The following NF1 variants were observed in gnomAD, a reference collection of about 807,000 sequenced individuals.
NF1 encodes neurofibromin 1.
A neutral mutation model predicts 325.7 loss-of-function variants in NF1; 122 were observed. That is an observed-to-expected ratio of 0.37 (90% CI 0.32 to 0.44). The LOEUF (loss-of-function observed/expected upper bound fraction) is 0.44, where lower values mean the gene tolerates loss of function less well. Among genes scored for constraint, NF1 ranks in the 20% least tolerant of loss-of-function variants. NF1 has a pLI of 1.00. For missense variants in NF1, 2,140 were observed against 3,415.4 expected (o/e 0.63, Z 9.31); for synonymous variants, 1,091 against 1,186.0 (o/e 0.92, Z 1.65).
chr17:31,250,093 G>A (rs1034487523), intron 30 of NF1: 3 of 470,150 alleles, frequency 6.4e-6, no homozygotes, highest in Middle Eastern at 3.9e-4. Context: ...TTTTAAAGAT[G>A]TATCTGTTCT....
At chr17:31,291,762 C>T (rs575593019) in intron 36 of NF1, among the ~76,000 whole-genome samples, 2 of 152,356 alleles carry the variant, frequency 1.3e-5, no homozygotes, top group Admixed American at 1.3e-4. Context: ...GCCATCTTCT[C>T]ATTCTGCTGT....
At chr17:31,259,532 T>C (rs1270527662) in intron 33 of NF1, among the ~76,000 whole-genome samples, 1 of 152,176 alleles carries the variant, frequency 6.6e-6, no homozygotes, top group Non-Finnish European at 1.5e-5. Flanking sequence ...AATTTGGAAG[T>C]GTATCTAAAC....
Position 31,337,852 on chromosome 17 carries a change from C to T in NF1, c.6676C>T (p.Leu2226=), listed in dbSNP as rs876658129. 1.2e-6 allele frequency: 2 copies of T among 1,613,918 alleles called. No individual in the cohort carries two copies. The highest frequency in any genetic ancestry group is 1.7e-6 in the Non-Finnish European group (2 of 1,179,862). ...GAGAGATATTCCAACGTGCAAGTGG[C>T]TGGACCAGTGGACAGAACTAGCTCA... The part of the protein sequence containing the change: ...CMRDIPTCKW[L]DQWTELAQRF... The change falls in exon 44 of 58, where the codon CTG becomes TTG. Residue 2226 remains leucine, a synonymous_variant. Coordinates refer to ENST00000358273, the MANE Select transcript of NF1 (RefSeq NM_001042492.3).
intron 36 of NF1, among the ~76,000 whole-genome samples, chr17:31,309,566 T>C (rs1224826346): frequency 6.6e-6 from 1 of 152,200 alleles, no homozygotes; most frequent in Non-Finnish European, 1.5e-5. Context: ...ATTTTAAAAA[T>C]CTGTTTTAAT....
At position 31,374,339 on chromosome 17, in the gene NF1, CTTTTCT is replaced by C; in HGVS notation, c.*187_*192del. On this transcript the variant is annotated 3_prime_UTR_variant, in exon 58 of 58. Coordinates refer to ENST00000358273, the MANE Select transcript of NF1 (RefSeq NM_001042492.3). ...AAGCCTTGCCTAAATTTAATGCTGCCTTTTCTTTAACTTTTTTTCTTCTACTTTTGG... is the reference window on the plus strand; with the variant it reads ...AAGCCTTGCCTAAATTTAATGCTGCCTTAACTTTTTTTCTTCTACTTTTGG... 2.7e-6 allele frequency: 2 copies of C among 742,538 alleles called. No homozygotes were observed. Among genetic ancestry groups the C allele is most frequent in the Non-Finnish European group, 4.5e-6 (2 of 446,566 alleles). 46.0% of individuals were successfully genotyped at this position (742,538 alleles called of 1,614,324 possible).
At chr17:31,192,445 G>A (rs1179083576) in intron 8 of NF1, among the ~76,000 whole-genome samples, 4 of 152,310 alleles carry the variant, frequency 2.6e-5, no homozygotes, top group African/African-American at 4.8e-5. Context: ...TCTGGTTGAC[G>A]GTTGAGTTTG....
chr17:31,230,405 T>C, intron 23 of NF1, 23 bp downstream of exon 23: 1 of 1,612,762 alleles, frequency 6.2e-7, no homozygotes, highest in Non-Finnish European at 8.5e-7. Context: ...AAGAGCAATG[T>C]AGGGTCTTGT....
intron 1 of NF1, among the ~76,000 whole-genome samples, chr17:31,103,040 T>C (rs1482770663): frequency 6.6e-6 from 1 of 151,340 alleles, no homozygotes; most frequent in Non-Finnish European, 1.5e-5. Context: ...GAGACAAGGG[T>C]TCGCCATGTT....
Position 31,249,062 on chromosome 17 carries a change from C to T in NF1, c.4053C>T (p.Ile1351=), listed in dbSNP as rs1274363605. The change falls in exon 30 of 58, where the codon ATC becomes ATT. Residue 1351 remains isoleucine (I), a synonymous_variant. Transcript: ENST00000358273. ...CTGAAAAGTTCTTCCATGCCATCAT[C>T]AGTTCCTCCTCAGAATTCCCCCCTC... ...QMTEKFFHAI[I]SSSSEFPPQL... The T allele has an allele frequency of 6.2e-7, 1 of 1,614,004 alleles. No individual in the cohort carries two copies. The highest frequency in any genetic ancestry group is 8.5e-7 in the Non-Finnish European group (1 of 1,180,002).
chr17:31,230,019 G>C (rs769791471), intron 22 of NF1, 45 bp downstream of exon 22: 1 of 1,605,818 alleles, frequency 6.2e-7, no homozygotes, highest in Non-Finnish European at 8.5e-7. Context: ...TAAGAGATAA[G>C]AAAAACCTCT....
intron 1 of NF1, among the ~76,000 whole-genome samples, chr17:31,141,288 C>T (rs1211106782): frequency 6.6e-6 from 1 of 151,030 alleles, no homozygotes; most frequent in African/African-American, 2.4e-5. Context: ...CAGTGCCTGA[C>T]ACATAGAAGG....
At chr17:31,102,748 AAG>A (rs1491374295) in intron 1 of NF1, among the ~76,000 whole-genome samples, 1 of 151,866 alleles carries the variant, frequency 6.6e-6, no homozygotes, top group Non-Finnish European at 1.5e-5. Flanking sequence ...AAAAAAAAAA[AAG>A]AGAGCGTGAC....
At chr17:31,359,190 A>G in intron 56 of NF1, 175 bp downstream of exon 56, 4 of 602,726 alleles carry the variant, frequency 6.6e-6, no homozygotes, top group Non-Finnish European at 1.2e-5. Flanking sequence ...AGGAGGCAGC[A>G]TGGTGTTGGG....
At chr17:31,282,356 C>T (rs561627180) in intron 36 of NF1, among the ~76,000 whole-genome samples, 21 of 146,194 alleles carry the variant, frequency 1.4e-4, no homozygotes, top group Non-Finnish European at 3.0e-4. Context: ...CACTCAAGCC[C>T]GGGTGACAGA....
intron 51 of NF1, 129 bp downstream of exon 51, chr17:31,352,543 C>A: frequency 1.2e-6 from 1 of 804,122 alleles, no homozygotes; most frequent in Admixed American, 3.0e-5. Context: ...GTTTTTGATG[C>A]CATTTAAAAG....
At chr17:31,185,607 C>T (rs915019968) in intron 8 of NF1, among the ~76,000 whole-genome samples, 1 of 152,068 alleles carries the variant, frequency 6.6e-6, no homozygotes, top group African/African-American at 2.4e-5. Context: ...GCCCCTCCTA[C>T]AAAAAAGAAA....
intron 2 of NF1, 60 bp from the exon 3 acceptor site, chr17:31,158,950 G>A (rs896178775): frequency 2.8e-5 from 27 of 967,040 alleles, no homozygotes; most frequent in Non-Finnish European, 4.4e-5. Flanking sequence ...TTTCAGATGT[G>A]TGTTGATTGG....
At chr17:31,245,454 A>G (rs17881327) in intron 29 of NF1, among the ~76,000 whole-genome samples, 4,488 of 152,268 alleles carry the variant, frequency 0.029, 83 homozygotes, top group Non-Finnish European at 0.042. Context: ...TTCCCATAGG[A>G]TAAGGGCTGA....
At chr17:31,276,201 T>G (rs1486220967) in intron 36 of NF1, among the ~76,000 whole-genome samples, 1 of 68,576 alleles carries the variant, frequency 1.5e-5, no homozygotes, top group Non-Finnish European at 2.5e-5. Context: ...AGAGCAAGAC[T>G]CCATCTCAAA....
Sources: allele counts gnomAD v4.1 joint callset (sites outside exome capture counted in the v4.1 genomes callset), GRCh38; gene constraint gnomAD v4.1.1; transcripts MANE v1.5; gene names NCBI Gene and HGNC (gene_info 2026-07-23, HGNC 2026-07-21).